The following CNNM2 variants were observed in gnomAD, a reference collection of about 807,000 sequenced individuals.
CNNM2 encodes cyclin and CBS domain divalent metal cation transport mediator 2, also known as metal transporter CNNM2.
Under a neutral mutation model 66.9 loss-of-function variants are expected in CNNM2, and 12 were observed. That is an observed-to-expected ratio of 0.18 (90% confidence interval 0.11 to 0.29). The LOEUF (loss-of-function observed/expected upper bound fraction) is 0.29. Among genes scored for constraint, CNNM2 ranks in the 10% least tolerant of loss-of-function variants. The pLI is 1.00. For synonymous variants in CNNM2, 557 were observed against 501.8 expected (o/e 1.11, Z -1.47); for missense variants, 705 against 1,167.7 (o/e 0.60, Z 5.77).
intron 1 of CNNM2, among the ~76,000 whole-genome samples, chr10:102,981,227 G>A (rs768906928): frequency 6.6e-6 from 1 of 151,980 alleles, no homozygotes. Flanking sequence ...GCGTGTGCCT[G>A]TGGTTCCAGC....
At chr10:103,021,320 C>T (rs1476467092) in intron 1 of CNNM2, among the ~76,000 whole-genome samples, 2 of 152,170 alleles carry the variant, frequency 1.3e-5, no homozygotes, top group African/African-American at 2.4e-5. Context: ...GAAGAATGCA[C>T]TGCACACCTC....
At chr10:102,973,212 G>C (rs1436777411) in intron 1 of CNNM2, among the ~76,000 whole-genome samples, 5 of 150,872 alleles carry the variant, frequency 3.3e-5, no homozygotes, top group African/African-American at 1.2e-4. Context: ...TTCTAATTAA[G>C]TTTTATATAC....
intron 1 of CNNM2, among the ~76,000 whole-genome samples, chr10:102,954,599 A>G (rs935968378): frequency 2.6e-5 from 4 of 152,146 alleles, no homozygotes; most frequent in African/African-American, 7.2e-5. Context: ...TGGACAATGC[A>G]AAGATGATGA....
chr10:102,919,606 A>G lies in CNNM2; in HGVS notation c.1126A>G (p.Ile376Val). ...TGGCCTGGCTGTGGGGGCCAACACC[A>G]TCTTCCTCACCAAGTTTTTCATGAT... The part of the protein sequence containing the change: ...RHGLAVGANT[I>V]FLTKFFMMMT... Residue 376 changes from isoleucine (I) to valine (V), a missense_variant, in exon 1 of 8, where the codon ATC (isoleucine) becomes GTC (valine). Coordinates refer to ENST00000369878, the MANE Select transcript of CNNM2 (RefSeq NM_017649.5). 1 of 1,613,780 alleles carries G rather than the reference A, an allele frequency of 6.2e-7. No homozygotes were observed. The highest frequency in any genetic ancestry group is 8.5e-7 in the Non-Finnish European group (1 of 1,180,018).
In CNNM2 at chr10:103,079,394, C is replaced by G. The variant is rs1254524645; in HGVS notation, c.*2214C>G. 6.6e-6 allele frequency: 1 copy of G among 152,356 alleles called. No individual in the cohort carries two copies. The highest frequency in any genetic ancestry group is 1.5e-5 in the Non-Finnish European group (1 of 68,172). 9.4% of individuals were successfully genotyped at this position (152,356 alleles called of 1,614,324 possible). A position where few individuals can be genotyped will look rare whatever the true frequency, so the allele number is the denominator to read the frequency against. On this transcript the variant is annotated 3_prime_UTR_variant, in exon 8 of 8. Transcript: ENST00000369878. ...CAGGAACTCTGCCCTGTCAACCTAT[C>G]TGGGCTCACGTCTGCTTCTCCACAC...
At chr10:102,988,565 C>A (rs1384828450) in intron 1 of CNNM2, among the ~76,000 whole-genome samples, 3 of 152,126 alleles carry the variant, frequency 2.0e-5, no homozygotes, top group Non-Finnish European at 4.4e-5. Flanking sequence ...TGCATACACA[C>A]ACATACTTTG....
At chr10:102,966,931 AGAATCATG>A (rs1465100106) in intron 1 of CNNM2, among the ~76,000 whole-genome samples, 3 of 152,122 alleles carry the variant, frequency 2.0e-5, no homozygotes, top group African/African-American at 7.2e-5. Context: ...ATTAAGGCAC[AGAATCATG>A]GAAGTGTCTG....
In CNNM2 at chr10:103,089,536, C is replaced by T; in HGVS notation, c.*12356C>T. The T allele has an allele frequency of 2.9e-6, 4 of 1,402,476 alleles. No homozygotes were observed. Among genetic ancestry groups the T allele is most frequent in the South Asian group, 1.7e-5 (1 of 58,670 alleles). The allele number at this position is 1,402,476 out of a possible 1,614,324, so 86.9% of individuals were successfully genotyped here. On this transcript the variant is annotated 3_prime_UTR_variant, in exon 8 of 8. Coordinates refer to ENST00000369878, the MANE Select transcript of CNNM2 (RefSeq NM_017649.5). ...AAACAAGTATCTATGATAATAAAAT[C>T]TTCAGAAACTTTTCAGACGTACCTT...
At chr10:103,059,750 T>C (rs912844249) in intron 4 of CNNM2, among the ~76,000 whole-genome samples, 1 of 149,706 alleles carries the variant, frequency 6.7e-6, no homozygotes, top group Non-Finnish European at 1.5e-5. Context: ...TCAGGCATAC[T>C]AAAAAAAAAA....
chr10:102,997,800 CCCATTAGATTTCT>C (rs2064032160), intron 1 of CNNM2, among the ~76,000 whole-genome samples: 8 of 152,218 alleles, frequency 5.3e-5, no homozygotes, highest in Admixed American at 1.3e-4. Context: ...TGTTTGCAGT[CCCATTAGATTTCT>C]AATATGATTT....
intron 1 of CNNM2, among the ~76,000 whole-genome samples, chr10:102,986,632 C>G (rs2063802260): frequency 6.7e-6 from 1 of 149,704 alleles, no homozygotes; most frequent in Non-Finnish European, 1.5e-5. Flanking sequence ...AAAAAAAAGT[C>G]AGCTGGGCAT....
intron 1 of CNNM2, among the ~76,000 whole-genome samples, chr10:102,940,617 A>G (rs557873093): frequency 1.5e-3 from 223 of 151,106 alleles, no homozygotes; most frequent in Middle Eastern, 6.8e-3. Flanking sequence ...ACAGGGTTTC[A>G]CCGTGTTAGC....
intron 1 of CNNM2, among the ~76,000 whole-genome samples, chr10:103,000,539 G>A (rs561842019): frequency 9.9e-5 from 15 of 151,736 alleles, no homozygotes; most frequent in Admixed American, 9.2e-4. Flanking sequence ...CTACAGCCTC[G>A]GCCTCCTGGG....
In CNNM2 at chr10:103,087,140, A is replaced by AGTTTTTTTTTTTT. The variant is rs2065827293; in HGVS notation, c.*9960_*9961insGTTTTTTTTTTTT. ...TTCTCACGGTATAAAACTCCGCAGGATTTTTTTTTTTTTTTTTTTTTTTTT... is the reference window on the plus strand; with the variant it reads ...TTCTCACGGTATAAAACTCCGCAGGAGTTTTTTTTTTTTTTTTTTTTTTTTTTTTTTTTTTTTT... On this transcript the variant is annotated 3_prime_UTR_variant, in exon 8 of 8. Transcript: ENST00000369878. The AGTTTTTTTTTTTT allele has an allele frequency of 1.3e-5, 1 of 75,374 alleles. No individual in the cohort carries two copies. Among genetic ancestry groups the AGTTTTTTTTTTTT allele is most frequent in the Non-Finnish European group, 2.3e-5 (1 of 42,740 alleles). 4.7% of individuals were successfully genotyped at this position (75,374 alleles called of 1,614,324 possible). A position where few individuals can be genotyped will look rare whatever the true frequency, so the allele number is the denominator to read the frequency against.
At chr10:102,929,580 A>G (rs1280903958) in intron 1 of CNNM2, among the ~76,000 whole-genome samples, 2 of 152,234 alleles carry the variant, frequency 1.3e-5, no homozygotes, top group Admixed American at 6.5e-5. Flanking sequence ...TAAGGAAAAC[A>G]GAACAATTTA....
At chr10:103,000,196 G>A (rs989850261) in intron 1 of CNNM2, among the ~76,000 whole-genome samples, 1 of 151,586 alleles carries the variant, frequency 6.6e-6, no homozygotes, top group South Asian at 2.1e-4. Context: ...ATATCATGCC[G>A]TTGCACTCCA....
At chr10:102,956,837 G>A (rs543084374) in intron 1 of CNNM2, among the ~76,000 whole-genome samples, 2 of 152,240 alleles carry the variant, frequency 1.3e-5, no homozygotes, top group African/African-American at 4.8e-5. Flanking sequence ...GGGGGCAGGG[G>A]GAGGGATAGC....
intron 1 of CNNM2, among the ~76,000 whole-genome samples, chr10:103,021,790 G>A (rs2064587414): frequency 2.6e-5 from 4 of 152,102 alleles, no homozygotes; most frequent in Admixed American, 2.6e-4. Context: ...TTCAAAACAG[G>A]AGTCATTGAA....
chr10:102,968,991 G>T (rs186022815), intron 1 of CNNM2, among the ~76,000 whole-genome samples: 29 of 144,518 alleles, frequency 2.0e-4, no homozygotes, highest in African/African-American at 6.7e-4. Context: ...TTGGCTTACT[G>T]CAGTCTCCAC....
Sources: allele counts gnomAD v4.1 joint callset (sites outside exome capture counted in the v4.1 genomes callset), GRCh38; gene constraint gnomAD v4.1.1; transcripts MANE v1.5; gene names NCBI Gene and HGNC (gene_info 2026-07-23, HGNC 2026-07-21).